ZNF596: variants seen among roughly 807,000 people sequenced by gnomAD.
ZNF596 encodes the protein zinc finger protein 596.
A neutral mutation model predicts 48.3 loss-of-function variants in ZNF596; 45 were observed. The ratio of observed to expected loss-of-function variants is 0.93; its 90% CI spans 0.73 to 1.19. ZNF596 has a LOEUF of 1.19. Among genes scored for constraint, ZNF596 ranks in the 50% most tolerant of loss-of-function variants. The pLI, the probability that ZNF596 is intolerant of heterozygous loss-of-function variation, is 0.00. For synonymous variants in ZNF596, 270 were observed against 202.0 expected (o/e 1.34, Z -2.85); for missense variants, 848 against 599.7 (o/e 1.41, Z -4.32).
intron 3 of ZNF596, 169 bp downstream of exon 3, chr8:243,182 C>CTT: frequency 2.0e-6 from 1 of 507,744 alleles, no homozygotes; most frequent in South Asian, 4.2e-5. Context: ...ACAGCCATTT[C>CTT]TTTCCTTTTC....
chr8:245,657 G>A lies in ZNF596; in HGVS notation c.810G>A (p.Glu270=), dbSNP rs192586310. Residue 270 remains glutamate (E), a synonymous_variant, in exon 6 of 6, where the codon GAG becomes GAA. Coordinates refer to ENST00000398612, the MANE Select transcript of ZNF596 (RefSeq NM_001042416.3). ...AAAGTTCTAACCTTAGACGACATGA[G>A]ATGATTCACACTAGAGAAAAAGCAC... ...FSKSSNLRRH[E]MIHTREKAQI... The A allele has an allele frequency of 3.3e-5, 53 of 1,614,012 alleles. No homozygotes were observed. In the African/African-American group the frequency reaches 4.8e-4, roughly 15 times the overall value.
At chr8:241,328 G>T (rs1306763122) in intron 2 of ZNF596, among the ~76,000 whole-genome samples, 1 of 152,174 alleles carries the variant, frequency 6.6e-6, no homozygotes, top group Non-Finnish European at 1.5e-5. Flanking sequence ...AGCTCAGTTA[G>T]TCTAGTGTTT....
At position 232,556 on chromosome 8, in the gene ZNF596, G is replaced by T. The variant is rs1457962310; in HGVS notation, c.-211G>T. The T allele has an allele frequency of 6.6e-6, 2 of 302,902 alleles. No individual in the cohort carries two copies. The highest frequency in any genetic ancestry group is 6.8e-6 in the Non-Finnish European group (1 of 146,922). 18.8% of individuals were successfully genotyped at this position (302,902 alleles called of 1,614,324 possible). A position where few individuals can be genotyped will look rare whatever the true frequency, so the allele number is the denominator to read the frequency against. On this transcript the variant is annotated 5_prime_UTR_variant, in exon 1 of 6. Coordinates refer to ENST00000398612, the MANE Select transcript of ZNF596 (RefSeq NM_001042416.3). The stretch of plus-strand genomic sequence containing the variant: ...TCCTGTCGGCGGGGAGTCCCGCGAC[G>T]CCCGGAAATGCTCCGAAGCCTGTCG...
At position 246,003 on chromosome 8, in the gene ZNF596, AC is replaced by A; in HGVS notation, c.1157del (p.Thr386MetfsTer117). 1 of 1,614,142 alleles carries A rather than the reference AC, an allele frequency of 6.2e-7. No homozygotes were observed. The highest frequency in any genetic ancestry group is 8.5e-7 in the Non-Finnish European group (1 of 1,180,028). On this transcript the variant is annotated frameshift_variant, in exon 6 of 6. Transcript: ENST00000398612. LOFTEE classifies it high-confidence loss of function. The part of the protein sequence containing the change: ...SVLKRHERIH[T>X]GEKPYECHVC... ...GCTTAAACGACATGAGAGAATTCACACTGGAGAGAAACCATATGAGTGCCAT... is the reference window on the plus strand; with the variant it reads ...GCTTAAACGACATGAGAGAATTCACATGGAGAGAAACCATATGAGTGCCAT...
rs2214750 is a variant in ZNF596 at position 246,948 on chromosome 8, C to T, written c.*586C>T. 7,156 of 153,196 alleles carry T rather than the reference C, an allele frequency of 0.047. 220 individuals carry two copies. Among genetic ancestry groups the T allele is most frequent in the Non-Finnish European group, 0.065 (4,487 of 68,756 alleles). 9.5% of individuals were successfully genotyped at this position (153,196 alleles called of 1,614,324 possible). A position where few individuals can be genotyped will look rare whatever the true frequency, so the allele number is the denominator to read the frequency against. On this transcript the variant is annotated 3_prime_UTR_variant, in exon 6 of 6. Coordinates refer to ENST00000398612, the MANE Select transcript of ZNF596 (RefSeq NM_001042416.3). ...AAATCCTTTTCTTAATACAGCAGCA[C>T]TTCTATAATAGATCAGAATTCACAT...
Position 245,689 on chromosome 8 carries a change from G to A in ZNF596, c.842G>A (p.Cys281Tyr), listed in dbSNP as rs1325755557. The change falls in exon 6 of 6, where the codon TGC (cysteine) becomes TAC (tyrosine). Residue 281 changes from cysteine to tyrosine, a missense_variant. Transcript: ENST00000398612. The stretch of plus-strand genomic sequence containing the variant: ...CACACTAGAGAAAAAGCACAGATAT[G>A]CCATCTATGTGGGAAAGCCTTCACT... ...MIHTREKAQI[C>Y]HLCGKAFTHC... The A allele has an allele frequency of 1.2e-6, 2 of 1,614,122 alleles. No individual in the cohort carries two copies. Among genetic ancestry groups the A allele is most frequent in the Admixed American group, 3.3e-5 (2 of 60,024 alleles).
intron 1 of ZNF596, among the ~76,000 whole-genome samples, chr8:239,747 A>G (rs1165760543): frequency 1.3e-5 from 2 of 152,136 alleles, no homozygotes; most frequent in Non-Finnish European, 2.9e-5. Flanking sequence ...GAATCCCATC[A>G]TTCAGGGATT....
chr8:244,330 G>A (rs778559412), intron 4 of ZNF596: 2 of 348,346 alleles, frequency 5.7e-6, no homozygotes, highest in Non-Finnish European at 1.0e-5. Context: ...CTTTTGTAAA[G>A]GGGATATTTG....
At chr8:240,994 A>C in intron 2 of ZNF596, 87 bp downstream of exon 2, 4 of 1,479,464 alleles carry the variant, frequency 2.7e-6, no homozygotes, top group Non-Finnish European at 3.8e-6. Flanking sequence ...TGGATGTTCT[A>C]AGTGCACTCA....
At chr8:235,254 T>C (rs1017249664) in intron 1 of ZNF596, among the ~76,000 whole-genome samples, 1 of 152,242 alleles carries the variant, frequency 6.6e-6, no homozygotes, top group Non-Finnish European at 1.5e-5. Context: ...TTGATGTTCA[T>C]AGATTTGTAA....
chr8:244,792 T>A, intron 5 of ZNF596, 91 bp downstream of exon 5: 4 of 1,028,434 alleles, frequency 3.9e-6, no homozygotes, highest in Non-Finnish European at 5.9e-6. Context: ...TGACTGTACT[T>A]AAAGCCCTCC....
rs759682980 is a variant in ZNF596, at chr8:245,332, C to T, written c.485C>T (p.Thr162Ile). ...TTTAATCAACACAAGGAAATTCACA[C>T]CAAATGTAAATCATATGGAAGTCAT... ...LSFNQHKEIHTKCKSYGSHLF... is the reference protein window; with the variant it reads ...LSFNQHKEIHIKCKSYGSHLF... Residue 162 changes from threonine to isoleucine, a missense_variant, in exon 6 of 6, where the codon ACC becomes ATC. Thr to Ile is a moderately conservative substitution (Grantham distance 89). Transcript: ENST00000398612. 6 of 1,613,934 alleles carry T rather than the reference C, an allele frequency of 3.7e-6. No individual in the cohort carries two copies. Among genetic ancestry groups the T allele is most frequent in the Non-Finnish European group, 5.1e-6 (6 of 1,179,990 alleles).
At chr8:237,452 G>A (rs949905882) in intron 1 of ZNF596, 2 of 152,138 alleles carry the variant, frequency 1.3e-5, no homozygotes, top group African/African-American at 4.8e-5. Flanking sequence ...GATCACAGCT[G>A]TAGCCCCAAT....
chr8:243,146 C>A, intron 3 of ZNF596, 133 bp downstream of exon 3: 1 of 699,864 alleles, frequency 1.4e-6, no homozygotes, highest in South Asian at 3.4e-5. Flanking sequence ...CTGCTTTGAT[C>A]CTTTCATAAC....
chr8:244,110 G>A (rs1183512228), intron 4 of ZNF596: 7 of 214,718 alleles, frequency 3.3e-5, no homozygotes, highest in East Asian at 1.5e-4. Context: ...GGCTGGTCTT[G>A]AACTCCTGAC....
At chr8:234,307 A>G (rs1796540274) in intron 1 of ZNF596, 1 of 152,226 alleles carries the variant, frequency 6.6e-6, no homozygotes, top group Non-Finnish European at 1.5e-5. Context: ...TCACTAGGGA[A>G]GAACGGTGTT....
rs1383063806 is a variant in ZNF596 at position 246,045 on chromosome 8, T to G, written c.1198T>G (p.Phe400Val). The G allele has an allele frequency of 1.2e-6, 2 of 1,614,054 alleles. No homozygotes were observed. Among genetic ancestry groups the G allele is most frequent in the Non-Finnish European group, 1.7e-6 (2 of 1,180,036 alleles). The change falls in exon 6 of 6, where the codon TTC (phenylalanine) becomes GTC (valine). Residue 400 changes from phenylalanine to valine, a missense_variant. Phe to Val is a conservative substitution (Grantham distance 50, BLOSUM62 -1). Coordinates refer to ENST00000398612, the MANE Select transcript of ZNF596 (RefSeq NM_001042416.3). Reference sequence around the variant, plus strand: ...TGAGTGCCATGTATGTGGGAAAGCCTTCACTGAATCTTCTGACCTCAGACG... The same window carrying G: ...TGAGTGCCATGTATGTGGGAAAGCCGTCACTGAATCTTCTGACCTCAGACG... ...PYECHVCGKAFTESSDLRRHE... is the reference protein window; with the variant it reads ...PYECHVCGKAVTESSDLRRHE...
At chr8:235,973 T>A (rs1428428853) in intron 1 of ZNF596, among the ~76,000 whole-genome samples, 1 of 152,124 alleles carries the variant, frequency 6.6e-6, no homozygotes, top group Admixed American at 6.5e-5. Flanking sequence ...TTAGACTAAT[T>A]CTCATTTTTT....
rs561648516 is a variant in ZNF596 at position 243,832 on chromosome 8, TAGG to T, written c.223+36_223+38del. The T allele has an allele frequency of 6.6e-4, 1,052 of 1,596,538 alleles. 5 individuals carry two copies. The African/African-American group carries it at 0.013, about 20-fold the overall frequency. On this transcript the variant is annotated intron_variant, in intron 4 of 5. Transcript: ENST00000398612. ...TGAGCTCTAAGAAGCAGTGCTTCAA[TAGG>T]AGGAGGAGAAACATGGCCAGTGAGT... is the stretch of plus-strand genomic sequence containing the variant.
Sources: allele counts gnomAD v4.1 joint callset (sites outside exome capture counted in the v4.1 genomes callset), GRCh38; gene constraint gnomAD v4.1.1; transcripts MANE v1.5; gene names NCBI Gene and HGNC (gene_info 2026-07-23, HGNC 2026-07-21).